RMDN1: variants seen among roughly 807,000 people sequenced by gnomAD.
The protein encoded by RMDN1 is regulator of microtubule dynamics protein 1.
A neutral mutation model predicts 48.9 loss-of-function variants in RMDN1; 48 were observed. The observed-to-expected ratio is 0.98, with a 90% CI of 0.78 to 1.25. The LOEUF (loss-of-function observed/expected upper bound fraction) is 1.25, where lower values mean the gene tolerates loss of function less well. RMDN1 is among the 50% of genes most tolerant of loss of function. The pLI, the probability that RMDN1 is intolerant of heterozygous loss-of-function variation, is 0.00. For synonymous variants in RMDN1, 148 were observed against 132.6 expected (o/e 1.12, Z -0.80); for missense variants, 418 against 373.4 (o/e 1.12, Z -0.98).
At position 86,486,762 on chromosome 8, in the gene RMDN1, A is replaced by T. The variant is rs1439704156; in HGVS notation, c.336-119T>A. The T allele has an allele frequency of 8.2e-6, 5 of 609,640 alleles. No homozygotes were observed. The African/African-American group carries it at 9.4e-5, about 11-fold the overall frequency. 37.8% of individuals were successfully genotyped at this position (609,640 alleles called of 1,614,324 possible). On this transcript the variant is annotated intron_variant, in intron 3 of 9. Transcript: ENST00000406452. ...CTTAGGAAGCTAGCAACATGATATCAAAAGCCATTAGTAATAATGCTAAAT... is the reference window on the plus strand; with the variant it reads ...CTTAGGAAGCTAGCAACATGATATCTAAAGCCATTAGTAATAATGCTAAAT...
At chr8:86,482,335 G>A (rs1280216087) in intron 5 of RMDN1, 1 of 328,208 alleles carries the variant, frequency 3.0e-6, no homozygotes, top group Admixed American at 4.5e-5. Flanking sequence ...CCTGGAAGCA[G>A]AGGCTGCAGT....
intron 5 of RMDN1, chr8:86,482,385 G>A: frequency 5.0e-6 from 2 of 396,870 alleles, no homozygotes; most frequent in South Asian, 2.2e-5. Flanking sequence ...CTGGGCAACA[G>A]AGGAGACTCT....
Position 86,478,821 on chromosome 8 carries a change from T to C in RMDN1, c.729+102A>G. On this transcript the variant is annotated intron_variant, in intron 7 of 9. Coordinates refer to ENST00000406452, the MANE Select transcript of RMDN1 (RefSeq NM_016033.3). ...GTTGAATTGGATCATTAGAAATTGC[T>C]CAAGTCCCTCACTGAATCAGAGCTC... The C allele has an allele frequency of 1.1e-5, 10 of 882,490 alleles. 1 individual carries two copies. Among genetic ancestry groups the C allele is most frequent in the Middle Eastern group, 2.2e-4 (1 of 4,626 alleles). The allele number at this position is 882,490 out of a possible 1,614,324, so 54.7% of individuals were successfully genotyped here. A position where few individuals can be genotyped will look rare whatever the true frequency, so the allele number is the denominator to read the frequency against.
At chr8:86,480,406 G>A (rs1586619164) in intron 5 of RMDN1, 74 bp from the exon 6 acceptor site, 38 of 800,530 alleles carry the variant, frequency 4.7e-5, no homozygotes. Context: ...GTTTGCTGAA[G>A]AAGCCATGAT....
At chr8:86,514,305 C>G (rs1820198016) in exon 1 of RMDN1, 1 of 983,308 alleles carries the variant, frequency 1.0e-6, no homozygotes, top group Admixed American at 6.1e-5. Flanking sequence ...AAGCGCCAGC[C>G]TACTGGCAAG....
Position 86,473,146 on chromosome 8 carries a change from A to G in RMDN1, c.*1162T>C. 1 of 985,370 alleles carries G rather than the reference A, an allele frequency of 1.0e-6. No individual in the cohort carries two copies. The highest frequency in any genetic ancestry group is 1.2e-6 in the Non-Finnish European group (1 of 829,868). 61.0% of individuals were successfully genotyped at this position (985,370 alleles called of 1,614,324 possible). ...TGGGTATACAAAGATCACTACTTTC[A>G]GTTTTCCTTTTTGTTTGAAAATGTA... On this transcript the variant is annotated 3_prime_UTR_variant, in exon 10 of 10. Transcript: ENST00000406452.
intron 5 of RMDN1, chr8:86,481,960 G>T: frequency 1.2e-6 from 1 of 862,388 alleles, no homozygotes; most frequent in Non-Finnish European, 1.9e-6. Flanking sequence ...TCATCTTGCT[G>T]CAAGCAGAAA....
Position 86,505,291 on chromosome 8 carries a change from T to C in RMDN1, c.247+1704A>G, listed in dbSNP as rs771964060. ...TCTCTTCTGCTTAGGAGAGACCAAG[T>C]GAACCTACCTTCATTTCAGGAGGCA... On this transcript the variant is annotated intron_variant, in intron 2 of 9. Transcript: ENST00000406452. 408 of 482,570 alleles carry C rather than the reference T, an allele frequency of 8.5e-4. 2 individuals carry two copies. The highest frequency in any genetic ancestry group is 1.1e-3 in the Non-Finnish European group (277 of 249,912). The allele number at this position is 482,570 out of a possible 1,614,324, so 29.9% of individuals were successfully genotyped here.
intron 1 of RMDN1, among the ~76,000 whole-genome samples, chr8:86,514,078 T>A (rs928812459): frequency 6.6e-6 from 1 of 152,102 alleles, no homozygotes; most frequent in Non-Finnish European, 1.5e-5. Flanking sequence ...GGTCTCCAAC[T>A]CCTGGGCACA....
At position 86,506,944 on chromosome 8, in the gene RMDN1, G is replaced by T. The variant is rs572929187; in HGVS notation, c.247+51C>A. The T allele has an allele frequency of 1.1e-5, 10 of 884,628 alleles. No individual in the cohort carries two copies. In the East Asian group the frequency reaches 2.4e-4, roughly 21 times the overall value. 54.8% of individuals were successfully genotyped at this position (884,628 alleles called of 1,614,324 possible). A position where few individuals can be genotyped will look rare whatever the true frequency, so the allele number is the denominator to read the frequency against. ...TTGTTTTAAAATAAAAATTCTGAAT[G>T]TACGCACACAAAAAAACTCTAAATG... is the stretch of plus-strand genomic sequence containing the variant. On this transcript the variant is annotated intron_variant, in intron 2 of 9. Coordinates refer to ENST00000406452, the MANE Select transcript of RMDN1 (RefSeq NM_016033.3).
At chr8:86,510,056 T>A (rs1266044598), upstream of RMDN1, among the ~76,000 whole-genome samples, 1 of 152,216 alleles carries the variant, frequency 6.6e-6, no homozygotes, top group Non-Finnish European at 1.5e-5. Context: ...AAAAATTAGA[T>A]CCTAAGAAAA....
intron 2 of RMDN1, among the ~76,000 whole-genome samples, chr8:86,499,428 C>T (rs371999993): frequency 6.6e-6 from 1 of 152,054 alleles, no homozygotes; most frequent in African/African-American, 2.4e-5. Flanking sequence ...CAATAACACC[C>T]AAGCTGAGAG....
At chr8:86,502,109 C>G (rs575329301) in intron 2 of RMDN1, among the ~76,000 whole-genome samples, 1 of 152,302 alleles carries the variant, frequency 6.6e-6, no homozygotes, top group Admixed American at 6.5e-5. Context: ...CAATCACCCT[C>G]TCCTTTATAA....
At chr8:86,504,350 C>A in intron 2 of RMDN1, 3 of 1,578,208 alleles carry the variant, frequency 1.9e-6, no homozygotes, top group Non-Finnish European at 1.7e-6. Flanking sequence ...AAGCAAGTCA[C>A]CGTGCTGGAG....
At chr8:86,514,076 A>C (rs1586819577) in intron 1 of RMDN1, among the ~76,000 whole-genome samples, 1 of 151,350 alleles carries the variant, frequency 6.6e-6, no homozygotes, top group Non-Finnish European at 1.5e-5. Flanking sequence ...CTGGTCTCCA[A>C]CTCCTGGGCA....
chr8:86,512,790 C>G (rs533354964), upstream of RMDN1, among the ~76,000 whole-genome samples: 1 of 152,218 alleles, frequency 6.6e-6, no homozygotes, highest in East Asian at 1.9e-4. Context: ...GTTTAATTTG[C>G]AGGCCAGGCA....
At chr8:86,480,480 ATTCT>A (rs1331594944) in intron 5 of RMDN1, 148 bp from the exon 6 acceptor site, 8 of 496,762 alleles carry the variant, frequency 1.6e-5, no homozygotes, top group Non-Finnish European at 2.9e-5. Context: ...CTTCCTCCTG[ATTCT>A]TTGATTAAAT....
At position 86,474,128 on chromosome 8, in the gene RMDN1, T is replaced by C. The variant is rs1267215720; in HGVS notation, c.*180A>G. On this transcript the variant is annotated 3_prime_UTR_variant, in exon 10 of 10. Transcript: ENST00000406452. Reference sequence around the variant, plus strand: ...TGGAGATTTATTTCTACCACTCTTATGGCGATTATTTATTTTACCCTATTA... The same window carrying C: ...TGGAGATTTATTTCTACCACTCTTACGGCGATTATTTATTTTACCCTATTA... 2.5e-5 allele frequency: 34 copies of C among 1,351,386 alleles called. No homozygotes were observed. The highest frequency in any genetic ancestry group is 5.7e-4 in the Middle Eastern group (2 of 3,532). The allele number at this position is 1,351,386 out of a possible 1,614,324, so 83.7% of individuals were successfully genotyped here.
upstream of RMDN1, chr8:86,508,688 G>C (rs1819839813): frequency 3.5e-6 from 5 of 1,433,560 alleles, no homozygotes; most frequent in Non-Finnish European, 4.5e-6. Flanking sequence ...GGCTAAAGGA[G>C]ATTCAATCCT....
Sources: allele counts gnomAD v4.1 joint callset (sites outside exome capture counted in the v4.1 genomes callset), GRCh38; gene constraint gnomAD v4.1.1; transcripts MANE v1.5; gene names NCBI Gene and HGNC (gene_info 2026-07-23, HGNC 2026-07-21).